Variants in TMEM236 observed in about 807,000 individuals in gnomAD.
The protein encoded by TMEM236 is transmembrane protein 236, also known as family with sequence similarity 23, member A.
A neutral mutation model predicts 14.7 loss-of-function variants in TMEM236; 11 were observed. The observed-to-expected ratio is 0.75, with a 90% confidence interval of 0.47 to 1.24. TMEM236 has a LOEUF of 1.24. Ranked by LOEUF, TMEM236 falls within the 50% of genes most tolerant of loss-of-function variation. TMEM236 has a pLI of 0.00. For missense variants in TMEM236, 464 were observed against 427.3 expected, an observed-to-expected ratio of 1.09 and a Z score of -0.76; for synonymous variants, 182 against 168.6, an observed-to-expected ratio of 1.08 and a Z score of -0.62.
intron 3 of TMEM236, among the ~76,000 whole-genome samples, chr10:17,793,765 G>A (rs1198926314): frequency 2.0e-5 from 3 of 152,310 alleles, no homozygotes; most frequent in South Asian, 2.1e-4. Context: ...TTACAGGCGT[G>A]AGCCATCACG....
Position 17,781,898 on chromosome 10 carries a change from A to G in TMEM236, c.472+5728A>G, listed in dbSNP as rs1010443642. On this transcript the variant is annotated intron_variant, in intron 3 of 3. Transcript: ENST00000377495. Reference sequence around the variant, plus strand: ...ATGTGAGATTTCATTTGGGGGAAAAAAAAGCTTCCTCTGCTAAATGTTTAA... The same window carrying G: ...ATGTGAGATTTCATTTGGGGGAAAAGAAAGCTTCCTCTGCTAAATGTTTAA... Among the ~76,000 whole-genome samples, 94 of 152,178 alleles carry G rather than the reference A, an allele frequency of 6.2e-4. 1 individual carries two copies. In the East Asian group the frequency reaches 7.7e-3, roughly 12 times the overall value.
At chr10:17,790,363 C>G (rs1049464393) in intron 3 of TMEM236, among the ~76,000 whole-genome samples, 1 of 152,048 alleles carries the variant, frequency 6.6e-6, no homozygotes, top group Non-Finnish European at 1.5e-5. Flanking sequence ...TCCACAATTC[C>G]TAGTACAGTA....
intron 1 of TMEM236, among the ~76,000 whole-genome samples, chr10:17,769,165 A>G (rs1027068966): frequency 1.4e-4 from 21 of 152,250 alleles, no homozygotes; most frequent in African/African-American, 5.1e-4. Context: ...CTAGGCAAGA[A>G]TAGAACCACC....
At chr10:17,770,848 AT>A (rs201617033) in intron 1 of TMEM236, among the ~76,000 whole-genome samples, 18,928 of 152,236 alleles carry the variant, frequency 0.12, 1,514 homozygotes, top group East Asian at 0.34. Flanking sequence ...TAGTAAAAAA[AT>A]GTAAATGTTT....
chr10:17,788,316 A>G (rs1055755265), intron 3 of TMEM236, among the ~76,000 whole-genome samples: 1 of 151,630 alleles, frequency 6.6e-6, no homozygotes, highest in African/African-American at 2.4e-5. Flanking sequence ...GAAAAGCTGA[A>G]GATTAGGAAT....
In TMEM236 at chr10:17,775,930, T is replaced by A. The variant is rs1342796877; in HGVS notation, c.331-99T>A. On this transcript the variant is annotated intron_variant, in intron 2 of 3. Coordinates refer to ENST00000377495, the MANE Select transcript of TMEM236 (RefSeq NM_001098844.3). Reference sequence around the variant, plus strand: ...CAACCTTCTAGTTTTTTAGTAAATGTAATTATAATTAATTTAGTGCTGCAT... The same window carrying A: ...CAACCTTCTAGTTTTTTAGTAAATGAAATTATAATTAATTTAGTGCTGCAT... 5.5e-6 allele frequency: 8 copies of A among 1,449,310 alleles called. No homozygotes were observed. The African/African-American group carries it at 1.1e-4, about 21-fold the overall frequency. The allele number at this position is 1,449,310 out of a possible 1,614,324, so 89.8% of individuals were successfully genotyped here.
intron 3 of TMEM236, among the ~76,000 whole-genome samples, chr10:17,779,583 G>A (rs1837715331): frequency 6.6e-6 from 1 of 152,006 alleles, no homozygotes; most frequent in African/African-American, 2.4e-5. Context: ...GCTAATTTTT[G>A]TATTTTTAGT....
At chr10:17,785,823 A>T (rs1474385069) in intron 3 of TMEM236, among the ~76,000 whole-genome samples, 1 of 151,766 alleles carries the variant, frequency 6.6e-6, no homozygotes, top group African/African-American at 2.4e-5. Flanking sequence ...TAGTTCTAGG[A>T]TTTTTTTTCC....
At chr10:17,786,579 C>G (rs1837840874) in intron 3 of TMEM236, among the ~76,000 whole-genome samples, 1 of 152,180 alleles carries the variant, frequency 6.6e-6, no homozygotes, top group Non-Finnish European at 1.5e-5. Flanking sequence ...AAGGTCCTAT[C>G]TAGAAGAACA....
intron 2 of TMEM236, among the ~76,000 whole-genome samples, chr10:17,774,214 T>C (rs1348961797): frequency 2.0e-5 from 3 of 152,026 alleles, no homozygotes; most frequent in Non-Finnish European, 4.4e-5. Context: ...CCGGCTAATG[T>C]TTGTATTTTT....
chr10:17,776,699 C>T (rs1436170385), intron 3 of TMEM236, among the ~76,000 whole-genome samples: 1 of 152,022 alleles, frequency 6.6e-6, no homozygotes, highest in Non-Finnish European at 1.5e-5. Context: ...TTTTTGGAGG[C>T]CAGGATGGGA....
intron 1 of TMEM236, among the ~76,000 whole-genome samples, chr10:17,755,536 T>C (rs2131738639): frequency 6.6e-6 from 1 of 152,230 alleles, no homozygotes; most frequent in African/African-American, 2.4e-5. Flanking sequence ...AATAAAGCAT[T>C]ATGTTGTTGG....
At chr10:17,782,399 TC>T (rs1383830447) in intron 3 of TMEM236, among the ~76,000 whole-genome samples, 6,431 of 151,924 alleles carry the variant, frequency 0.042, 285 homozygotes, top group East Asian at 0.22. Flanking sequence ...CTGCAACTCT[TC>T]TTTTTTTCTT....
At chr10:17,774,511 A>G (rs1443692572) in intron 2 of TMEM236, among the ~76,000 whole-genome samples, 1 of 152,108 alleles carries the variant, frequency 6.6e-6, no homozygotes, top group Non-Finnish European at 1.5e-5. Flanking sequence ...TCCTTCCCAC[A>G]TTTCTCTGCT....
intron 3 of TMEM236, among the ~76,000 whole-genome samples, chr10:17,792,509 A>G (rs1463672197): frequency 6.6e-6 from 1 of 152,244 alleles, no homozygotes; most frequent in Non-Finnish European, 1.5e-5. Context: ...GGTGTTAAAA[A>G]CTTTTGGAGA....
chr10:17,757,098 T>C (rs1837294903), intron 1 of TMEM236, among the ~76,000 whole-genome samples: 1 of 152,228 alleles, frequency 6.6e-6, no homozygotes, highest in Admixed American at 6.5e-5. Context: ...TGTTTCCTTC[T>C]GGCCACATTC....
chr10:17,766,666 G>C (rs377711173), intron 1 of TMEM236, among the ~76,000 whole-genome samples: 51,305 of 151,986 alleles, frequency 0.34, 8,993 homozygotes, highest in African/African-American at 0.38. Context: ...ATTCCACATT[G>C]CAGTCGCAAA....
intron 1 of TMEM236, among the ~76,000 whole-genome samples, chr10:17,764,651 T>G (rs1057428457): frequency 6.6e-6 from 1 of 152,132 alleles, no homozygotes; most frequent in Non-Finnish European, 1.5e-5. Context: ...GGTTGGTTCC[T>G]TGTGAGAGAT....
chr10:17,759,919 C>A (rs1837331561), intron 1 of TMEM236, among the ~76,000 whole-genome samples: 1 of 130,758 alleles, frequency 7.6e-6, no homozygotes, highest in East Asian at 2.4e-4. Context: ...GGAGGCGGAG[C>A]TTGCAGTGAG....
Sources: gnomAD v4.1 joint callset for allele counts (sites outside exome capture counted in the v4.1 genomes callset) on GRCh38, gnomAD v4.1.1 for gene constraint, MANE v1.5 for transcripts, NCBI Gene and HGNC (gene_info 2026-07-23, HGNC 2026-07-21) for gene names.